The following NELL1 variants were observed in gnomAD, a reference collection of about 807,000 sequenced individuals.
NELL1 encodes the protein protein kinase C-binding protein NELL1.
In NELL1, 76 loss-of-function variants were observed where a neutral mutation model predicts 107.4. The observed-to-expected ratio is 0.71, with a 90% confidence interval of 0.59 to 0.86. The LOEUF is 0.86. NELL1 is among the 40% of genes least tolerant of loss of function. The probability of loss-of-function intolerance (pLI) is 0.00; values close to 1 mark genes in which losing one functional copy is unlikely to be tolerated. For missense variants in NELL1, 1,024 were observed against 1,005.5 expected (o/e 1.02, Z -0.25); for synonymous variants, 353 against 341.2 (o/e 1.03, Z -0.38).
chr11:21,133,552 T>A (rs933706205), intron 13 of NELL1, among the ~76,000 whole-genome samples: 2 of 152,086 alleles, frequency 1.3e-5, no homozygotes, highest in African/African-American at 4.8e-5. Flanking sequence ...CCCATGCTCA[T>A]CAGTGCCCAA....
chr11:20,874,409 G>A (rs1489388853), intron 4 of NELL1, among the ~76,000 whole-genome samples: 1 of 152,302 alleles, frequency 6.6e-6, no homozygotes, highest in East Asian at 1.9e-4. Context: ...TTTTTAGCCA[G>A]TGTGGCATGG....
intron 12 of NELL1, among the ~76,000 whole-genome samples, chr11:21,068,032 CAAAA>C (rs1195285619): frequency 1.7e-4 from 7 of 40,382 alleles, no homozygotes; most frequent in African/African-American, 5.2e-4. Context: ...GATGCCATCT[CAAAA>C]AAAAAAAAAA....
At chr11:20,970,954 C>T (rs1851488413) in intron 12 of NELL1, among the ~76,000 whole-genome samples, 1 of 152,168 alleles carries the variant, frequency 6.6e-6, no homozygotes. Flanking sequence ...AATTTTCAAA[C>T]ATGGCTATGA....
chr11:20,835,087 T>C (rs757787876), intron 3 of NELL1, among the ~76,000 whole-genome samples: 4 of 152,186 alleles, frequency 2.6e-5, no homozygotes, highest in Non-Finnish European at 4.4e-5. Context: ...TCTTCCTCCA[T>C]GTTTTTACAT....
intron 5 of NELL1, among the ~76,000 whole-genome samples, chr11:20,916,784 T>C (rs1850267903): frequency 6.6e-6 from 1 of 151,954 alleles, no homozygotes; most frequent in South Asian, 2.1e-4. Flanking sequence ...AGCATAGATG[T>C]CTAAAATGTG....
At chr11:21,231,146 T>C (rs2133885849) in intron 14 of NELL1, among the ~76,000 whole-genome samples, 1 of 152,206 alleles carries the variant, frequency 6.6e-6, no homozygotes, top group African/African-American at 2.4e-5. Flanking sequence ...AAAGATACCC[T>C]ACATATTTTT....
chr11:20,686,091 AC>A (rs971805014), intron 2 of NELL1, among the ~76,000 whole-genome samples: 14 of 152,112 alleles, frequency 9.2e-5, no homozygotes, highest in Admixed American at 5.2e-4. Flanking sequence ...TAAAAAAAAA[AC>A]AGTTCATTAT....
At chr11:21,533,850 G>A (rs539628230) in intron 15 of NELL1, among the ~76,000 whole-genome samples, 40 of 152,150 alleles carry the variant, frequency 2.6e-4, no homozygotes, top group African/African-American at 8.7e-4. Context: ...AATAAATTTC[G>A]GAAACAGTGT....
chr11:20,887,974 T>A (rs1053699899), intron 5 of NELL1, among the ~76,000 whole-genome samples: 6 of 152,156 alleles, frequency 3.9e-5, no homozygotes, highest in African/African-American at 7.2e-5. Flanking sequence ...AATTTTTTTT[T>A]AATTTTTTAA....
intron 2 of NELL1, among the ~76,000 whole-genome samples, chr11:20,702,190 A>G (rs1854810233): frequency 6.6e-6 from 1 of 152,244 alleles, no homozygotes; most frequent in Middle Eastern, 3.4e-3. Context: ...TTCATTGAGC[A>G]GTGGTTTGTA....
intron 2 of NELL1, among the ~76,000 whole-genome samples, chr11:20,682,290 A>C (rs1276598904): frequency 6.6e-6 from 1 of 151,978 alleles, no homozygotes; most frequent in Non-Finnish European, 1.5e-5. Flanking sequence ...AAGTAAAAAG[A>C]AACAGATAAA....
At position 21,245,654 on chromosome 11, in the gene NELL1, A is replaced by G. The variant is rs143326523; in HGVS notation, c.1549+16200A>G. Among the ~76,000 whole-genome samples the G allele has an allele frequency of 3.4e-3, 515 of 152,286 alleles. 4 individuals carry two copies. The highest frequency in any genetic ancestry group is 0.012 in the African/African-American group (489 of 41,566). ...CCTCACTGGCGTAGGCAGGCGGACA[A>G]TGTATCCTTGTCATCTTTGTGTCCC... On this transcript the variant is annotated intron_variant, in intron 14 of 19. Coordinates refer to ENST00000357134, the MANE Select transcript of NELL1 (RefSeq NM_006157.5).
At chr11:20,714,469 A>C (rs1855192317) in intron 2 of NELL1, among the ~76,000 whole-genome samples, 1 of 151,676 alleles carries the variant, frequency 6.6e-6, no homozygotes. Context: ...CAGCCTCCCT[A>C]AGTGCTGGGA....
intron 15 of NELL1, among the ~76,000 whole-genome samples, chr11:21,373,625 G>T (rs997018606): frequency 6.6e-5 from 10 of 152,024 alleles, no homozygotes; most frequent in Non-Finnish European, 1.5e-4. Context: ...ATTTGTTAAA[G>T]AAAATTCCTG....
At chr11:21,492,903 A>C (rs867456217) in intron 15 of NELL1, among the ~76,000 whole-genome samples, 10 of 152,202 alleles carry the variant, frequency 6.6e-5, no homozygotes, top group Middle Eastern at 3.4e-3. Flanking sequence ...AATAATAATA[A>C]TAATAAAAGA....
At chr11:21,067,374 T>C (rs113061827) in intron 12 of NELL1, among the ~76,000 whole-genome samples, 5 of 152,070 alleles carry the variant, frequency 3.3e-5, no homozygotes, top group African/African-American at 1.2e-4. Flanking sequence ...TTTTTTAAAG[T>C]CTTGCATTTT....
chr11:21,429,361 A>G (rs936363099), intron 15 of NELL1, among the ~76,000 whole-genome samples: 1 of 152,220 alleles, frequency 6.6e-6, no homozygotes, highest in African/African-American at 2.4e-5. Flanking sequence ...CTGATTTTCA[A>G]TCAATCAAGG....
chr11:20,990,008 A>AAAG (rs1851937996), intron 12 of NELL1, among the ~76,000 whole-genome samples: 2 of 151,932 alleles, frequency 1.3e-5, no homozygotes, highest in African/African-American at 4.8e-5. Flanking sequence ...AAAAAAAAAA[A>AAAG]AAAGAAATTC....
chr11:20,945,166 A>G (rs1341786565), intron 10 of NELL1, among the ~76,000 whole-genome samples: 3 of 152,208 alleles, frequency 2.0e-5, no homozygotes. Flanking sequence ...CAAGTGATTT[A>G]TTAAGGTAGT....
Sources: allele counts gnomAD v4.1 joint callset (sites outside exome capture counted in the v4.1 genomes callset), GRCh38; gene constraint gnomAD v4.1.1; transcripts MANE v1.5; gene names NCBI Gene and HGNC (gene_info 2026-07-23, HGNC 2026-07-21).